GLO1: variants seen among roughly 807,000 people sequenced by gnomAD.
The protein encoded by GLO1 is glyoxalase I, also known as lactoylglutathione lyase.
A neutral mutation model predicts 26.0 loss-of-function variants in GLO1; 28 were observed. The observed-to-expected ratio is 1.08, with a 90% CI of 0.80 to 1.48. The LOEUF is 1.48. GLO1 is among the 40% of genes most tolerant of loss of function. The pLI is 0.00. For missense variants in GLO1, 225 were observed against 224.8 expected (o/e 1.00, Z -0.01); for synonymous variants, 78 against 77.6 (o/e 1.00, Z -0.03).
chr6:38,692,985 T>C (rs1279627264), intron 1 of GLO1, among the ~76,000 whole-genome samples: 1 of 152,024 alleles, frequency 6.6e-6, no homozygotes, highest in Non-Finnish European at 1.5e-5. Context: ...TATTGGTCTG[T>C]AGTTTTCTTG....
chr6:38,677,759 AG>A (rs577152742), intron 5 of GLO1, among the ~76,000 whole-genome samples: 46 of 152,320 alleles, frequency 3.0e-4, no homozygotes, highest in African/African-American at 9.6e-4. Context: ...ATTTTAATGA[AG>A]TACATTATTT....
intron 1 of GLO1, among the ~76,000 whole-genome samples, chr6:38,696,156 A>T (rs1393929147): frequency 6.6e-6 from 1 of 152,222 alleles, no homozygotes; most frequent in Non-Finnish European, 1.5e-5. Context: ...ATGGGATATG[A>T]GTGTATTTGG....
chr6:38,694,568 C>A lies in GLO1; in HGVS notation c.85-7594G>T, dbSNP rs569017896. ...GTAGTGTACACATGTAGCCCCAGCT[C>A]CTTGGGAGGCTGAGGTAGGAGGAGC... On this transcript the variant is annotated intron_variant, in intron 1 of 5. Coordinates refer to ENST00000373365, the MANE Select transcript of GLO1 (RefSeq NM_006708.3). Among the ~76,000 whole-genome samples, 23 of 152,046 alleles carry A rather than the reference C, an allele frequency of 1.5e-4. 1 individual carries two copies. The highest frequency in any genetic ancestry group is 5.5e-4 in the African/African-American group (23 of 41,462).
rs939024319 is a variant in GLO1, at chr6:38,676,876, CT to C, written c.*418del. 1 of 164,944 alleles carries C rather than the reference CT, an allele frequency of 6.1e-6. No individual in the cohort carries two copies. The highest frequency in any genetic ancestry group is 2.4e-5 in the African/African-American group (1 of 41,512). The allele number at this position is 164,944 out of a possible 1,614,324, so 10.2% of individuals were successfully genotyped here. A position where few individuals can be genotyped will look rare whatever the true frequency, so the allele number is the denominator to read the frequency against. ...ACTTTACTGAAAGAACACTAGTGTT[CT>C]TTCCTTTCCGTTGTGAAAAAAGTTG... On this transcript the variant is annotated 3_prime_UTR_variant, in exon 6 of 6. Transcript: ENST00000373365.
chr6:38,690,920 C>T (rs1562487063), intron 1 of GLO1, among the ~76,000 whole-genome samples: 1 of 152,188 alleles, frequency 6.6e-6, no homozygotes, highest in African/African-American at 2.4e-5. Context: ...CCATGTGCCT[C>T]TTGTGAACAC....
chr6:38,696,091 T>C (rs928365765), intron 1 of GLO1, among the ~76,000 whole-genome samples: 1 of 152,186 alleles, frequency 6.6e-6, no homozygotes, highest in African/African-American at 2.4e-5. Flanking sequence ...GTATGTCTAC[T>C]TCATCTTGTC....
chr6:38,687,167 A>ATT lies in GLO1; in HGVS notation c.85-194_85-193insAA. ...AAGTCCAAAGTGTCAGAAAGTTTCCACTGCAGGAATGACCTTCAACCAATG... is the reference window on the plus strand; with the variant it reads ...AAGTCCAAAGTGTCAGAAAGTTTCCATTCTGCAGGAATGACCTTCAACCAATG... On this transcript the variant is annotated intron_variant, in intron 1 of 5. Coordinates refer to ENST00000373365, the MANE Select transcript of GLO1 (RefSeq NM_006708.3). The ATT allele has an allele frequency of 8.9e-6, 8 of 895,956 alleles. No homozygotes were observed. The African/African-American group carries it at 1.3e-4, about 14-fold the overall frequency. The allele number at this position is 895,956 out of a possible 1,614,324, so 55.5% of individuals were successfully genotyped here.
In GLO1 at chr6:38,693,685, C is replaced by CTCTCTCTCTCTCTATATATATATA. The variant is rs869232489; in HGVS notation, c.85-6712_85-6711insTATATATATATAGAGAGAGAGAGA. ...TCTCTCTCTCTCTCTCTCTCTCTCT[C>CTCTCTCTCTCTCTATATATATATA]TATATATATATATATATATATTTGT... On this transcript the variant is annotated intron_variant, in intron 1 of 5. Transcript: ENST00000373365. Among the ~76,000 whole-genome samples, 3 of 86,438 alleles carry CTCTCTCTCTCTCTATATATATATA rather than the reference C, an allele frequency of 3.5e-5. No individual in the cohort carries two copies. The East Asian group carries it at 8.8e-4, about 25-fold the overall frequency. The allele number at this position is 86,438 out of a possible 152,430, so 56.7% of individuals were successfully genotyped here. A position where few individuals can be genotyped will look rare whatever the true frequency, so the allele number is the denominator to read the frequency against.
chr6:38,695,097 A>G (rs1582781136), intron 1 of GLO1, among the ~76,000 whole-genome samples: 1 of 152,072 alleles, frequency 6.6e-6, no homozygotes, highest in Non-Finnish European at 1.5e-5. Flanking sequence ...TAAGTACTGA[A>G]ATGTTAGGGC....
At chr6:38,691,227 T>C (rs1252784398) in intron 1 of GLO1, among the ~76,000 whole-genome samples, 1 of 152,014 alleles carries the variant, frequency 6.6e-6, no homozygotes, top group Non-Finnish European at 1.5e-5. Flanking sequence ...TATCAAAAGG[T>C]GGACAATAGA....
At chr6:38,700,162 C>T (rs1256849458) in intron 1 of GLO1, among the ~76,000 whole-genome samples, 3 of 152,190 alleles carry the variant, frequency 2.0e-5, no homozygotes, top group Non-Finnish European at 4.4e-5. Context: ...CTGGCCAATA[C>T]TTATGGAAAA....
intron 1 of GLO1, among the ~76,000 whole-genome samples, chr6:38,687,960 C>T (rs559030526): frequency 4.0e-5 from 6 of 151,714 alleles, no homozygotes; most frequent in South Asian, 2.1e-4. Flanking sequence ...TGACCACTTA[C>T]TTTGGAGCCA....
At chr6:38,685,871 G>T (rs576481102) in intron 2 of GLO1, among the ~76,000 whole-genome samples, 1 of 152,280 alleles carries the variant, frequency 6.6e-6, no homozygotes, top group African/African-American at 2.4e-5. Context: ...TCAGACAATG[G>T]ATACAGGTTC....
At chr6:38,691,972 G>A (rs1761538282) in intron 1 of GLO1, among the ~76,000 whole-genome samples, 1 of 152,142 alleles carries the variant, frequency 6.6e-6, no homozygotes, top group South Asian at 2.1e-4. Context: ...AGTGATTACT[G>A]TAGCTATGTA....
intron 1 of GLO1, 54 bp downstream of exon 1, chr6:38,702,912 GCGGCC>G: frequency 1.0e-6 from 1 of 973,778 alleles, no homozygotes; most frequent in Non-Finnish European, 1.6e-6. Flanking sequence ...TGGATAGAAT[GCGGCC>G]CGGTCCCGGC....
chr6:38,677,207 C>T lies in GLO1; in HGVS notation c.*88G>A, dbSNP rs772914774. The T allele has an allele frequency of 5.3e-6, 4 of 757,710 alleles. No homozygotes were observed. The highest frequency in any genetic ancestry group is 9.6e-6 in the Non-Finnish European group (4 of 418,290). The allele number at this position is 757,710 out of a possible 1,614,324, so 46.9% of individuals were successfully genotyped here. ...AATAATTTGAATCGGGACAGTGATC[C>T]ATCAGTCCTAGATGCTTCTGGTATG... On this transcript the variant is annotated 3_prime_UTR_variant, in exon 6 of 6. Transcript: ENST00000373365.
chr6:38,687,865 T>A (rs1280836461), intron 1 of GLO1, among the ~76,000 whole-genome samples: 1 of 152,100 alleles, frequency 6.6e-6, no homozygotes, highest in Non-Finnish European at 1.5e-5. Context: ...AGACCATAAG[T>A]CTGTGAACCT....
chr6:38,677,973 A>C (rs1288986172), intron 5 of GLO1, among the ~76,000 whole-genome samples: 1 of 152,158 alleles, frequency 6.6e-6, no homozygotes, highest in Non-Finnish European at 1.5e-5. Flanking sequence ...TAGTTACAGA[A>C]ATTGTCTTAT....
In GLO1 at chr6:38,678,546, C is replaced by G. The variant is rs540489198; in HGVS notation, c.467-1163G>C. Among the ~76,000 whole-genome samples the G allele has an allele frequency of 3.3e-5, 5 of 152,234 alleles. No homozygotes were observed. The East Asian group carries it at 9.6e-4, about 29-fold the overall frequency. ...GGGAGGTGGTAGTTCTGGCCTGGAC[C>G]AGAAGGCAGTGCATAATGGCTGCGA... is the stretch of plus-strand genomic sequence containing the variant. On this transcript the variant is annotated intron_variant, in intron 5 of 5. Transcript: ENST00000373365.
Sources: allele counts gnomAD v4.1 joint callset (sites outside exome capture counted in the v4.1 genomes callset), GRCh38; gene constraint gnomAD v4.1.1; transcripts MANE v1.5; gene names NCBI Gene and HGNC (gene_info 2026-07-23, HGNC 2026-07-21).